The following EIF2AK3 variants were observed in gnomAD, a reference collection of about 807,000 sequenced individuals.
EIF2AK3 encodes eukaryotic translation initiation factor 2-alpha kinase 3.
EIF2AK3 carries 50 observed loss-of-function variants against 113.5 expected under a neutral mutation model. The observed-to-expected ratio is 0.44, with a 90% confidence interval of 0.35 to 0.56. The LOEUF (loss-of-function observed/expected upper bound fraction) is 0.56, where lower values mean the gene tolerates loss of function less well. Ranked by LOEUF, EIF2AK3 falls within the 20% of genes least tolerant of loss-of-function variation. EIF2AK3 has a pLI of 0.00. For missense variants in EIF2AK3, 1,185 were observed against 1,378.0 expected, an observed-to-expected ratio of 0.86 and a Z score of 2.22; for synonymous variants, 448 against 495.4, an observed-to-expected ratio of 0.90 and a Z score of 1.27.
At position 88,590,983 on chromosome 2, in the gene EIF2AK3, A is replaced by G. The variant is rs370752889; in HGVS notation, c.837T>C (p.Ile279=). Residue 279 remains isoleucine, a synonymous_variant, in exon 5 of 17, where the codon ATT becomes ATC. Coordinates refer to ENST00000303236, the MANE Select transcript of EIF2AK3 (RefSeq NM_004836.7). The part of the protein sequence containing the change: ...IPDMETRAGF[I]ESTFKPNENT... Reference sequence around the variant, plus strand: ...TCTCATTGGGCTTAAAGGTGCTTTCAATAAATCCGGCTCTCGTTTCCATGT... The same window carrying G: ...TCTCATTGGGCTTAAAGGTGCTTTCGATAAATCCGGCTCTCGTTTCCATGT... The G allele has an allele frequency of 1.2e-6, 2 of 1,614,032 alleles. No individual in the cohort carries two copies. The highest frequency in any genetic ancestry group is 2.7e-5 in the African/African-American group (2 of 74,948).
intron 1 of EIF2AK3, among the ~76,000 whole-genome samples, chr2:88,619,093 G>A (rs1036927725): frequency 6.6e-6 from 1 of 151,436 alleles, no homozygotes. Context: ...AGGTTCAAGC[G>A]ATTCTCCTGC....
chr2:88,573,463 G>A (rs1398336222), intron 13 of EIF2AK3, among the ~76,000 whole-genome samples: 4 of 152,130 alleles, frequency 2.6e-5, no homozygotes, highest in Non-Finnish European at 4.4e-5. Context: ...AGTGATAAGC[G>A]TTTACTATAT....
intron 2 of EIF2AK3, among the ~76,000 whole-genome samples, chr2:88,601,205 T>C (rs895251876): frequency 2.0e-5 from 3 of 152,248 alleles, no homozygotes; most frequent in African/African-American, 7.2e-5. Flanking sequence ...CCCTTTGTTA[T>C]GCACTGATTT....
At chr2:88,625,508 A>G (rs1373425247) in intron 1 of EIF2AK3, among the ~76,000 whole-genome samples, 1 of 152,180 alleles carries the variant, frequency 6.6e-6, no homozygotes, top group Non-Finnish European at 1.5e-5. Flanking sequence ...ACCTAGTAGA[A>G]CACCACAAAA....
At position 88,574,991 on chromosome 2, in the gene EIF2AK3, T is replaced by C. The variant is rs1674416657; in HGVS notation, c.2492A>G (p.Asn831Ser). 1.9e-6 allele frequency: 3 copies of C among 1,614,182 alleles called. No homozygotes were observed. The highest frequency in any genetic ancestry group is 2.5e-6 in the Non-Finnish European group (3 of 1,180,016). Reference sequence around the variant, plus strand: ...AGCAGTTAGTTTATTAGCACAATGGTTGCCAATATGCAATCGATTAGTTTT... The same window carrying C: ...AGCAGTTAGTTTATTAGCACAATGGCTGCCAATATGCAATCGATTAGTTTT... ...EPKTNRLHIG[N>S]HCANKLTAFK... The change falls in exon 13 of 17, where the codon AAC (asparagine) becomes AGC (serine). Residue 831 changes from asparagine (N) to serine (S), a missense_variant. Asn to Ser is a conservative substitution (Grantham distance 46). This residue lies in a region of EIF2AK3 where 877 missense variants were observed against 1,024.2 expected (regional missense o/e 0.86). Transcript: ENST00000303236.
chr2:88,606,105 ATTGT>A (rs1402528351), intron 2 of EIF2AK3, among the ~76,000 whole-genome samples: 2 of 152,150 alleles, frequency 1.3e-5, no homozygotes, highest in Non-Finnish European at 2.9e-5. Flanking sequence ...GTTGATAACA[ATTGT>A]TTAATTCTTT....
chr2:88,591,558 C>T (rs1674889823), intron 4 of EIF2AK3, among the ~76,000 whole-genome samples: 1 of 152,154 alleles, frequency 6.6e-6, no homozygotes, highest in Non-Finnish European at 1.5e-5. Flanking sequence ...ATCCAGGATA[C>T]CTCAGCCCCA....
At chr2:88,580,277 G>C (rs577851422) in intron 10 of EIF2AK3, among the ~76,000 whole-genome samples, 1 of 152,284 alleles carries the variant, frequency 6.6e-6, no homozygotes, top group Non-Finnish European at 1.5e-5. Context: ...GACCTGCACT[G>C]TATCATCCAG....
intron 1 of EIF2AK3, among the ~76,000 whole-genome samples, chr2:88,620,202 A>G (rs1336987955): frequency 6.6e-6 from 1 of 150,730 alleles, no homozygotes; most frequent in Non-Finnish European, 1.5e-5. Context: ...GCCTTTCACA[A>G]TTTGGTTTCG....
intron 2 of EIF2AK3, among the ~76,000 whole-genome samples, chr2:88,607,412 A>T (rs546231040): frequency 6.6e-6 from 1 of 152,332 alleles, no homozygotes; most frequent in African/African-American, 2.4e-5. Context: ...CACATCTGTT[A>T]AAGCTAATAG....
rs1370130162 is a variant in EIF2AK3, at chr2:88,574,858, G to A, written c.2625C>T (p.Leu875=). ...GATACACCTTTGGTGAACTGGGCTG[G>A]AGTTTTTCTGTGGTGTTTTTAGTGA... is the stretch of plus-strand genomic sequence containing the variant. ...LDLTKNTTEK[L]QPSSPKVYLY... The change falls in exon 13 of 17, where the codon CTC becomes CTT. Residue 875 remains leucine (L), a synonymous_variant. Transcript: ENST00000303236. 1 of 1,614,074 alleles carries A rather than the reference G, an allele frequency of 6.2e-7. No homozygotes were observed. Among genetic ancestry groups the A allele is most frequent in the Non-Finnish European group, 8.5e-7 (1 of 1,180,022 alleles).
chr2:88,604,776 G>C (rs545860496), intron 2 of EIF2AK3, among the ~76,000 whole-genome samples: 1 of 152,236 alleles, frequency 6.6e-6, no homozygotes, highest in Non-Finnish European at 1.5e-5. Context: ...AAAATGTGCT[G>C]AGCTACGTGC....
chr2:88,586,683 C>G (rs1434214577), intron 8 of EIF2AK3, among the ~76,000 whole-genome samples: 2 of 150,716 alleles, frequency 1.3e-5, no homozygotes, highest in Non-Finnish European at 3.0e-5. Flanking sequence ...CCTCTGTCTC[C>G]TGGACTCAGG....
In EIF2AK3 at chr2:88,627,307, G is replaced by A. The variant is rs747835657; in HGVS notation, c.-33C>T. 4.8e-6 allele frequency: 7 copies of A among 1,465,914 alleles called. No individual in the cohort carries two copies. Among genetic ancestry groups the A allele is most frequent in the South Asian group, 2.6e-5 (2 of 77,672 alleles). The allele number at this position is 1,465,914 out of a possible 1,614,324, so 90.8% of individuals were successfully genotyped here. On this transcript the variant is annotated 5_prime_UTR_variant, in exon 1 of 17. Transcript: ENST00000303236. Reference sequence around the variant, plus strand: ...CCGCCCCGCGCGCAGGCATGGAGGCGCAGCCACTGACGCCTGCCTCTCCCG... The same window carrying A: ...CCGCCCCGCGCGCAGGCATGGAGGCACAGCCACTGACGCCTGCCTCTCCCG...
chr2:88,613,860 A>G lies in EIF2AK3; in HGVS notation c.309-7T>C, dbSNP rs1675510333. 1 of 1,605,352 alleles carries G rather than the reference A, an allele frequency of 6.2e-7. No individual in the cohort carries two copies. Among genetic ancestry groups the G allele is most frequent in the Non-Finnish European group, 8.5e-7 (1 of 1,173,994 alleles). ...GCTGATAATTACTAATGACCTGTAA[A>G]TATTAAAAATATTTTTAAAATTAAC... is the stretch of plus-strand genomic sequence containing the variant. On this transcript the variant is annotated splice_polypyrimidine_tract_variant and splice_region_variant and intron_variant, in intron 1 of 16. Transcript: ENST00000303236.
At chr2:88,604,451 C>T (rs1202387783) in intron 2 of EIF2AK3, among the ~76,000 whole-genome samples, 2 of 152,174 alleles carry the variant, frequency 1.3e-5, no homozygotes, top group Non-Finnish European at 2.9e-5. Flanking sequence ...CAAGAGAGGC[C>T]TTCTTTGACC....
intron 2 of EIF2AK3, 149 bp from the exon 3 acceptor site, chr2:88,595,812 T>C (rs1426851360): frequency 2.5e-6 from 2 of 810,154 alleles, no homozygotes; most frequent in Non-Finnish European, 4.1e-6. Flanking sequence ...CCAGCCTCCT[T>C]CTGAGTAGCA....
chr2:88,574,456 G>A, intron 13 of EIF2AK3: 1 of 604,052 alleles, frequency 1.7e-6, no homozygotes, highest in Non-Finnish European at 2.9e-6. Context: ...CATTACTGAA[G>A]ACAATGAATG....
chr2:88,568,761 G>A (rs999931200), intron 14 of EIF2AK3, among the ~76,000 whole-genome samples: 2 of 152,126 alleles, frequency 1.3e-5, no homozygotes, highest in Non-Finnish European at 2.9e-5. Flanking sequence ...AGATTAGCTT[G>A]TGAGTATCAT....
Sources: allele counts gnomAD v4.1 joint callset (sites outside exome capture counted in the v4.1 genomes callset), GRCh38; gene constraint gnomAD v4.1.1; regional missense constraint gnomAD v4.1.1; transcripts MANE v1.5; gene names NCBI Gene and HGNC (gene_info 2026-07-23, HGNC 2026-07-21).